NKAIN2: variants seen among roughly 807,000 people sequenced by gnomAD.
NKAIN2 encodes sodium/potassium transporting ATPase interacting 2.
In NKAIN2, 14 loss-of-function variants were observed where a neutral mutation model predicts 32.6. That is an observed-to-expected ratio of 0.43 (90% CI 0.28 to 0.67). The LOEUF is 0.67. Among genes scored for constraint, NKAIN2 ranks in the 30% least tolerant of loss-of-function variants. The pLI, the probability that NKAIN2 is intolerant of heterozygous loss-of-function variation, is 0.17. For synonymous variants in NKAIN2, 80 were observed against 87.2 expected, an observed-to-expected ratio of 0.92 and a Z score of 0.46; for missense variants, 198 against 258.3, an observed-to-expected ratio of 0.77 and a Z score of 1.60.
chr6:124,777,709 A>G (rs1406376328), intron 4 of NKAIN2, among the ~76,000 whole-genome samples: 2 of 152,170 alleles, frequency 1.3e-5, no homozygotes, highest in Middle Eastern at 3.2e-3. Context: ...AGAGTTATCT[A>G]AAGAAAGGGA....
intron 3 of NKAIN2, among the ~76,000 whole-genome samples, chr6:124,509,299 A>C (rs938088715): frequency 6.6e-6 from 1 of 152,196 alleles, no homozygotes; most frequent in African/African-American, 2.4e-5. Flanking sequence ...GGATGAAGGA[A>C]AGAATTCATA....
intron 3 of NKAIN2, among the ~76,000 whole-genome samples, chr6:124,442,293 C>T (rs1243739977): frequency 1.3e-5 from 2 of 152,142 alleles, no homozygotes; most frequent in East Asian, 1.9e-4. Flanking sequence ...ATATGTTAAC[C>T]ATTGGAGAAT....
chr6:124,526,494 G>A (rs1385725161), intron 3 of NKAIN2, among the ~76,000 whole-genome samples: 3 of 152,104 alleles, frequency 2.0e-5, no homozygotes, highest in Non-Finnish European at 4.4e-5. Flanking sequence ...TGGGGTATAA[G>A]AGGGCCAACC....
At chr6:123,850,350 A>AT (rs1219304500) in intron 1 of NKAIN2, among the ~76,000 whole-genome samples, 14 of 106,004 alleles carry the variant, frequency 1.3e-4, no homozygotes, top group Admixed American at 8.3e-4. Flanking sequence ...CTGAAAAAAA[A>AT]AAAAAATATA....
At chr6:124,530,145 A>C (rs1779467929) in intron 3 of NKAIN2, among the ~76,000 whole-genome samples, 1 of 152,164 alleles carries the variant, frequency 6.6e-6, no homozygotes, top group Non-Finnish European at 1.5e-5. Context: ...TCCACATATA[A>C]CTTTTAACTT....
At chr6:124,543,741 A>G (rs1779991500) in intron 3 of NKAIN2, among the ~76,000 whole-genome samples, 1 of 152,160 alleles carries the variant, frequency 6.6e-6, no homozygotes, top group African/African-American at 2.4e-5. Context: ...ATATAAGTGG[A>G]AAACCACAGA....
intron 4 of NKAIN2, among the ~76,000 whole-genome samples, chr6:124,702,681 T>C (rs774079379): frequency 6.0e-4 from 92 of 152,196 alleles, no homozygotes; most frequent in Non-Finnish European, 1.0e-3. Flanking sequence ...CTCCATTAAA[T>C]CATCAATGCT....
intron 1 of NKAIN2, among the ~76,000 whole-genome samples, chr6:124,019,983 A>G (rs1020536883): frequency 5.3e-5 from 8 of 152,190 alleles, no homozygotes; most frequent in African/African-American, 9.6e-5. Context: ...GAATAGTCTC[A>G]ATGTTGTAGA....
intron 1 of NKAIN2, among the ~76,000 whole-genome samples, chr6:124,035,630 AC>A (rs1781575303): frequency 6.6e-6 from 1 of 152,124 alleles, no homozygotes; most frequent in African/African-American, 2.4e-5. Context: ...AGTGATGGGC[AC>A]ACAAAAGTGC....
chr6:124,063,607 A>G (rs1477525611), intron 1 of NKAIN2, among the ~76,000 whole-genome samples: 2 of 152,168 alleles, frequency 1.3e-5, no homozygotes, highest in Non-Finnish European at 2.9e-5. Flanking sequence ...TAGCTATTCA[A>G]TGAATGATAG....
intron 3 of NKAIN2, among the ~76,000 whole-genome samples, chr6:124,544,126 G>A (rs1170471048): frequency 6.6e-6 from 1 of 152,122 alleles, no homozygotes; most frequent in Non-Finnish European, 1.5e-5. Context: ...GAGATGAAGT[G>A]GAGTTCATTT....
intron 1 of NKAIN2, among the ~76,000 whole-genome samples, chr6:124,215,568 T>C (rs1306413582): frequency 6.6e-6 from 1 of 152,200 alleles, no homozygotes; most frequent in Admixed American, 6.5e-5. Context: ...GAATAGCATT[T>C]GTTTTTCAAC....
At chr6:124,365,747 A>G (rs898890733) in intron 3 of NKAIN2, among the ~76,000 whole-genome samples, 4 of 152,076 alleles carry the variant, frequency 2.6e-5, no homozygotes, top group African/African-American at 9.6e-5. Flanking sequence ...AGAATATTCA[A>G]TCATATAATG....
In NKAIN2 at chr6:124,398,812, G is replaced by A. The variant is rs1053005514; in HGVS notation, c.273+43465G>A. Among the ~76,000 whole-genome samples, 3 of 152,148 alleles carry A rather than the reference G, an allele frequency of 2.0e-5. No individual in the cohort carries two copies. The South Asian group carries it at 6.2e-4, about 31-fold the overall frequency. On this transcript the variant is annotated intron_variant, in intron 3 of 6. Coordinates refer to ENST00000368417, the MANE Select transcript of NKAIN2 (RefSeq NM_001040214.3). ...AATAGTAGAAAAACAAATGCAATGA[G>A]CTTTTTAAGTTTGAGACTAAGTATA...
At chr6:124,768,731 G>A (rs1290378702) in intron 4 of NKAIN2, among the ~76,000 whole-genome samples, 2 of 151,142 alleles carry the variant, frequency 1.3e-5, no homozygotes, top group Non-Finnish European at 2.9e-5. Flanking sequence ...TGTACCTGGG[G>A]GAAAAAAAAA....
chr6:124,363,860 T>C (rs1799401053), intron 3 of NKAIN2, among the ~76,000 whole-genome samples: 1 of 152,150 alleles, frequency 6.6e-6, no homozygotes, highest in Non-Finnish European at 1.5e-5. Context: ...TTGAAAATTA[T>C]TACAGATGCT....
At position 124,281,580 on chromosome 6, in the gene NKAIN2, G is replaced by A. The variant is rs1221331670; in HGVS notation, c.55-1425G>A. Among the ~76,000 whole-genome samples, 7 of 152,072 alleles carry A rather than the reference G, an allele frequency of 4.6e-5. No homozygotes were observed. The East Asian group carries it at 7.7e-4, about 17-fold the overall frequency. On this transcript the variant is annotated intron_variant, in intron 1 of 6. Coordinates refer to ENST00000368417, the MANE Select transcript of NKAIN2 (RefSeq NM_001040214.3). ...TTAGCACAGGGTATAACAAATCAAG[G>A]TTCTTTTGTTTTTTTAATTATGGCG... is the stretch of plus-strand genomic sequence containing the variant.
intron 3 of NKAIN2, among the ~76,000 whole-genome samples, chr6:124,599,872 G>T (rs142551321): frequency 3.9e-5 from 6 of 152,184 alleles, no homozygotes; most frequent in African/African-American, 1.4e-4. Context: ...AAAGGCAATG[G>T]AATATATGAG....
chr6:124,772,116 T>C (rs1274628387), intron 4 of NKAIN2, among the ~76,000 whole-genome samples: 1 of 152,166 alleles, frequency 6.6e-6, no homozygotes, highest in African/African-American at 2.4e-5. Flanking sequence ...GAATTGCATT[T>C]TTAGAAAGAT....
Sources: gnomAD v4.1 joint callset for allele counts (sites outside exome capture counted in the v4.1 genomes callset) on GRCh38, gnomAD v4.1.1 for gene constraint, MANE v1.5 for transcripts, NCBI Gene and HGNC (gene_info 2026-07-23, HGNC 2026-07-21) for gene names.